The following ZNF451 variants were observed in gnomAD, a reference collection of about 807,000 sequenced individuals.
ZNF451 encodes zinc finger protein 451, also known as E3 SUMO-protein ligase ZNF451.
Under a neutral mutation model 107.1 loss-of-function variants are expected in ZNF451, and 80 were observed. The observed-to-expected ratio is 0.75, with a 90% CI of 0.62 to 0.90. The LOEUF (loss-of-function observed/expected upper bound fraction) is 0.90. Ranked by LOEUF, ZNF451 falls within the 40% of genes least tolerant of loss-of-function variation. The pLI, the probability that ZNF451 is intolerant of heterozygous loss-of-function variation, is 0.00. For synonymous variants in ZNF451, 362 were observed against 406.5 expected (o/e 0.89, Z 1.32); for missense variants, 1,107 against 1,236.2 (o/e 0.90, Z 1.57).
intron 3 of ZNF451, chr6:57,102,407 A>G (rs901476747): frequency 2.9e-6 from 3 of 1,040,066 alleles, no homozygotes; most frequent in Non-Finnish European, 3.5e-6. Context: ...TTGTGATTAA[A>G]GAAAAATATA....
Position 57,124,950 on chromosome 6 carries a change from T to G in ZNF451, c.312+91T>G, listed in dbSNP as rs1830860107. 6.8e-6 allele frequency: 6 copies of G among 888,068 alleles called. No homozygotes were observed. In the East Asian group the frequency reaches 2.1e-4, roughly 30 times the overall value. The allele number at this position is 888,068 out of a possible 1,614,324, so 55.0% of individuals were successfully genotyped here. On this transcript the variant is annotated intron_variant, in intron 4 of 14. Coordinates refer to ENST00000370706, the MANE Select transcript of ZNF451 (RefSeq NM_001031623.3). ...GCCTTTAATCAAAAAAAGATATGAT[T>G]TAATCAAAGCTCAGTATGTACCCTA... is the stretch of plus-strand genomic sequence containing the variant.
intron 2 of ZNF451, chr6:57,092,757 C>G (rs1049870309): frequency 3.9e-5 from 6 of 152,120 alleles, no homozygotes; most frequent in Non-Finnish European, 7.4e-5. Context: ...TTTCATAGCT[C>G]TTACTAACCT....
chr6:57,150,675 A>G (rs377098332), intron 10 of ZNF451, 44 bp from the exon 11 acceptor site: 29 of 1,544,476 alleles, frequency 1.9e-5, no homozygotes, highest in Non-Finnish European at 2.4e-5. Flanking sequence ...GAATGATTTT[A>G]GCAAATTCTT....
chr6:57,135,752 A>G (rs1397250240), intron 7 of ZNF451, among the ~76,000 whole-genome samples: 4 of 152,152 alleles, frequency 2.6e-5, no homozygotes, highest in African/African-American at 9.7e-5. Context: ...TTTGTTTTCT[A>G]TTATTAAAAA....
intron 3 of ZNF451, chr6:57,099,613 C>T (rs905525756): frequency 1.5e-6 from 1 of 686,074 alleles, no homozygotes; most frequent in African/African-American, 1.8e-5. Flanking sequence ...CTTCAGTCAT[C>T]ATCCCTTTAA....
At chr6:57,137,641 G>A (rs958725276) in intron 7 of ZNF451, among the ~76,000 whole-genome samples, 14 of 152,096 alleles carry the variant, frequency 9.2e-5, no homozygotes, top group African/African-American at 3.1e-4. Context: ...AGTGGTGGTC[G>A]ATATACTGTG....
chr6:57,101,598 T>C (rs1172044969), intron 3 of ZNF451: 4 of 1,550,868 alleles, frequency 2.6e-6, no homozygotes, highest in Admixed American at 3.9e-5. Flanking sequence ...ACATGGCCTA[T>C]ATGACTCAAT....
chr6:57,146,672 A>G (rs531165725), intron 9 of ZNF451, among the ~76,000 whole-genome samples: 1 of 152,184 alleles, frequency 6.6e-6, no homozygotes, highest in Non-Finnish European at 1.5e-5. Flanking sequence ...CCATAGCCTT[A>G]TAGTATCAAC....
Position 57,102,522 on chromosome 6 carries a change from T to G in ZNF451, c.186+3381T>G, listed in dbSNP as rs112398256. On this transcript the variant is annotated intron_variant, in intron 3 of 14. Transcript: ENST00000370706. ...GTTTACTAAGACCAGAGGTAAATCC[T>G]TAACTTTTAGGTTATCAGTGCTTCC... 93 of 989,880 alleles carry G rather than the reference T, an allele frequency of 9.4e-5. No individual in the cohort carries two copies. The African/African-American group carries it at 1.5e-3, about 16-fold the overall frequency. 61.3% of individuals were successfully genotyped at this position (989,880 alleles called of 1,614,324 possible).
In ZNF451 at chr6:57,105,128, T is replaced by C. The variant is rs1829787847; in HGVS notation, c.186+5987T>C. The C allele has an allele frequency of 8.1e-6, 8 of 985,402 alleles. No individual in the cohort carries two copies. In the South Asian group the frequency reaches 3.8e-4, roughly 46 times the overall value. The allele number at this position is 985,402 out of a possible 1,614,324, so 61.0% of individuals were successfully genotyped here. Reference sequence around the variant, plus strand: ...CTTAGTCAGATAATAAATCCTCATATTATGCCTGCCATGTTCAGAACCTGC... The same window carrying C: ...CTTAGTCAGATAATAAATCCTCATACTATGCCTGCCATGTTCAGAACCTGC... On this transcript the variant is annotated intron_variant, in intron 3 of 14. Coordinates refer to ENST00000370706, the MANE Select transcript of ZNF451 (RefSeq NM_001031623.3).
chr6:57,096,766 T>G (rs34529963), intron 2 of ZNF451, among the ~76,000 whole-genome samples: 9 of 139,542 alleles, frequency 6.4e-5, no homozygotes, highest in African/African-American at 2.1e-4. Context: ...CAATTTTCAG[T>G]CTTTTTTTTT....
At chr6:57,142,705 A>G (rs1420882362) in intron 9 of ZNF451, among the ~76,000 whole-genome samples, 1 of 152,116 alleles carries the variant, frequency 6.6e-6, no homozygotes. Flanking sequence ...TTTCTCTTGG[A>G]TGGACATTGA....
chr6:57,136,607 G>T (rs1001689508), intron 7 of ZNF451, among the ~76,000 whole-genome samples: 8 of 152,150 alleles, frequency 5.3e-5, no homozygotes, highest in African/African-American at 1.7e-4. Context: ...AAAGAGAACT[G>T]CATTCCGTAC....
chr6:57,162,850 G>A lies in ZNF451; in HGVS notation c.3139+1698G>A, dbSNP rs185298722. Among the ~76,000 whole-genome samples the A allele has an allele frequency of 3.3e-5, 5 of 152,280 alleles. No individual in the cohort carries two copies. In the East Asian group the frequency reaches 9.6e-4, roughly 29 times the overall value. Reference sequence around the variant, plus strand: ...ATGTAATGCATTTTATGGTTTGGAGGTGGAGATGTTACATTTTTGTGATTA... The same window carrying A: ...ATGTAATGCATTTTATGGTTTGGAGATGGAGATGTTACATTTTTGTGATTA... On this transcript the variant is annotated intron_variant, in intron 14 of 14. Transcript: ENST00000370706.
intron 11 of ZNF451, 41 bp from the exon 12 acceptor site, chr6:57,152,180 T>C (rs747941548): frequency 1.1e-4 from 172 of 1,573,902 alleles, no homozygotes; most frequent in Middle Eastern, 1.7e-4. Context: ...GCCTTTCCTC[T>C]CCTGTTTGAT....
At chr6:57,125,410 C>G (rs945986964) in intron 4 of ZNF451, among the ~76,000 whole-genome samples, 4 of 152,108 alleles carry the variant, frequency 2.6e-5, no homozygotes, top group African/African-American at 9.7e-5. Flanking sequence ...AATGAAATTA[C>G]TTAAAGAATT....
At chr6:57,158,987 G>A in intron 13 of ZNF451, 1 of 985,014 alleles carries the variant, frequency 1.0e-6, no homozygotes, top group Non-Finnish European at 1.2e-6. Flanking sequence ...CAGCATCATG[G>A]CCTGTGGACT....
At chr6:57,153,581 T>C (rs1024864833) in intron 12 of ZNF451, among the ~76,000 whole-genome samples, 1 of 151,878 alleles carries the variant, frequency 6.6e-6, no homozygotes, top group Non-Finnish European at 1.5e-5. Flanking sequence ...CCAGCTAATT[T>C]TTGCATTTTT....
chr6:57,101,572 G>T (rs1156764665), intron 3 of ZNF451: 3 of 1,550,932 alleles, frequency 1.9e-6, no homozygotes, highest in Admixed American at 3.9e-5. Context: ...CTCCATTGCA[G>T]CCCGAGCTGC....
Sources: allele counts gnomAD v4.1 joint callset (sites outside exome capture counted in the v4.1 genomes callset), GRCh38; gene constraint gnomAD v4.1.1; transcripts MANE v1.5; gene names NCBI Gene and HGNC (gene_info 2026-07-23, HGNC 2026-07-21).